AGFG1: variants seen among roughly 807,000 people sequenced by gnomAD.
The protein encoded by AGFG1 is arf-GAP domain and FG repeat-containing protein 1.
AGFG1 carries 10 observed loss-of-function variants against 60.6 expected under a neutral mutation model. The observed-to-expected ratio is 0.16, with a 90% confidence interval of 0.10 to 0.28. The LOEUF (loss-of-function observed/expected upper bound fraction) is 0.28. Ranked by LOEUF, AGFG1 falls within the 10% of genes least tolerant of loss-of-function variation. AGFG1 has a pLI of 1.00. For synonymous variants in AGFG1, 247 were observed against 242.9 expected, an observed-to-expected ratio of 1.02 and a Z score of -0.16; for missense variants, 537 against 676.5, an observed-to-expected ratio of 0.79 and a Z score of 2.29.
chr2:227,493,293 T>A (rs1406858471), intron 2 of AGFG1, among the ~76,000 whole-genome samples: 2 of 152,228 alleles, frequency 1.3e-5, no homozygotes, highest in Admixed American at 1.3e-4. Context: ...ACTGAAACTT[T>A]ATACCAGTTG....
intron 11 of AGFG1, 138 bp from the exon 12 acceptor site, chr2:227,553,566 G>T: frequency 1.7e-6 from 1 of 602,946 alleles, no homozygotes; most frequent in Non-Finnish European, 2.9e-6. Context: ...GAAAGAGCTT[G>T]AGGCCTAACA....
chr2:227,476,236 T>A (rs1690277420), intron 1 of AGFG1, among the ~76,000 whole-genome samples: 1 of 152,222 alleles, frequency 6.6e-6, no homozygotes, highest in Non-Finnish European at 1.5e-5. Context: ...TCACTATCTT[T>A]CACTGTCTTT....
At chr2:227,485,150 A>C (rs918815122) in intron 1 of AGFG1, among the ~76,000 whole-genome samples, 2 of 151,860 alleles carry the variant, frequency 1.3e-5, no homozygotes, top group Non-Finnish European at 2.9e-5. Context: ...CCTTCCATTG[A>C]GAAGTCTACT....
intron 2 of AGFG1, among the ~76,000 whole-genome samples, chr2:227,510,158 G>A (rs942571354): frequency 6.6e-6 from 1 of 152,056 alleles, no homozygotes; most frequent in Non-Finnish European, 1.5e-5. Flanking sequence ...GTTGAGGGGG[G>A]TAGGGAGGGG....
chr2:227,510,293 T>C (rs1454758219), intron 2 of AGFG1, among the ~76,000 whole-genome samples: 1 of 152,040 alleles, frequency 6.6e-6, no homozygotes, highest in African/African-American at 2.4e-5. Flanking sequence ...CACCCCTGAT[T>C]GTACCAGGAA....
At chr2:227,527,019 T>C (rs981351838) in intron 5 of AGFG1, among the ~76,000 whole-genome samples, 1 of 152,176 alleles carries the variant, frequency 6.6e-6, no homozygotes, top group Non-Finnish European at 1.5e-5. Flanking sequence ...GTACTTAGGT[T>C]AGGTAATATT....
chr2:227,481,896 C>G lies in AGFG1; in HGVS notation c.167+9308C>G, dbSNP rs1690477327. The stretch of plus-strand genomic sequence containing the variant: ...TTTTTTTTTTTTTTTGAGACAGAGT[C>G]TCGCTGTTGCCCAGGTTGGAGTGCA... On this transcript the variant is annotated intron_variant, in intron 1 of 12. Transcript: ENST00000310078. Among the ~76,000 whole-genome samples, 5 of 128,190 alleles carry G rather than the reference C, an allele frequency of 3.9e-5. No homozygotes were observed. The South Asian group carries it at 1.2e-3, about 31-fold the overall frequency. 84.1% of individuals were successfully genotyped at this position (128,190 alleles called of 152,430 possible).
intron 2 of AGFG1, among the ~76,000 whole-genome samples, chr2:227,505,430 CCTT>C (rs1434894430): frequency 1.3e-5 from 2 of 152,144 alleles, no homozygotes; most frequent in Admixed American, 1.3e-4. Flanking sequence ...TCTCAGCTCT[CCTT>C]CTGAGATTCC....
intron 1 of AGFG1, among the ~76,000 whole-genome samples, chr2:227,480,388 A>G (rs1246356881): frequency 1.3e-5 from 2 of 151,490 alleles, no homozygotes; most frequent in South Asian, 2.1e-4. Context: ...TTGTCTTTCC[A>G]TATTTCTTAT....
chr2:227,517,347 C>A (rs565061433), intron 2 of AGFG1, among the ~76,000 whole-genome samples: 16 of 152,286 alleles, frequency 1.1e-4, no homozygotes, highest in African/African-American at 3.8e-4. Context: ...CTCACTGCAA[C>A]CTCTGACTCC....
intron 10 of AGFG1, among the ~76,000 whole-genome samples, chr2:227,545,300 C>T (rs1181953145): frequency 6.6e-6 from 1 of 152,206 alleles, no homozygotes; most frequent in Non-Finnish European, 1.5e-5. Context: ...CCATGGTTTT[C>T]AGCTCCATCA....
chr2:227,499,024 GTAACAAACTT>G (rs72056283), intron 2 of AGFG1, among the ~76,000 whole-genome samples: 10,949 of 152,130 alleles, frequency 0.072, 520 homozygotes, highest in Admixed American at 0.11. Flanking sequence ...AGTAGATAAT[GTAACAAACTT>G]CCATCAACAC....
intron 10 of AGFG1, among the ~76,000 whole-genome samples, chr2:227,547,343 C>T (rs1313210201): frequency 6.6e-6 from 1 of 151,860 alleles, no homozygotes; most frequent in Non-Finnish European, 1.5e-5. Flanking sequence ...TCCTTGTGCT[C>T]TTTCCCTCTC....
At position 227,519,285 on chromosome 2, in the gene AGFG1, G is replaced by A. The variant is rs879516770; in HGVS notation, c.262-663G>A. ...ATTTTACAAATACTTTTGATCAGTT[G>A]GTGTCTTGATTTTTGTACTTTTTAA... On this transcript the variant is annotated intron_variant, in intron 2 of 12. Transcript: ENST00000310078. 2.0e-5 allele frequency among the ~76,000 whole-genome samples: 3 copies of A among 152,118 alleles called. No individual in the cohort carries two copies. The East Asian group carries it at 5.8e-4, about 29-fold the overall frequency.
At chr2:227,541,073 C>G (rs1406531037) in intron 10 of AGFG1, among the ~76,000 whole-genome samples, 1 of 151,842 alleles carries the variant, frequency 6.6e-6, no homozygotes, top group Non-Finnish European at 1.5e-5. Flanking sequence ...AATTTAAGTT[C>G]TTTGTAGATT....
intron 1 of AGFG1, among the ~76,000 whole-genome samples, chr2:227,484,688 G>GTTTTTTT (rs745570416): frequency 1.3e-3 from 32 of 25,092 alleles, no homozygotes; most frequent in East Asian, 3.1e-3. Context: ...TTTTTTTTTT[G>GTTTTTTT]TTTTTTTTTT....
chr2:227,524,191 ATGTG>A (rs933052314), intron 4 of AGFG1, among the ~76,000 whole-genome samples: 2 of 151,882 alleles, frequency 1.3e-5, no homozygotes, highest in African/African-American at 4.8e-5. Flanking sequence ...AGCTATATAT[ATGTG>A]TGTGTGTGTA....
intron 1 of AGFG1, among the ~76,000 whole-genome samples, chr2:227,480,185 A>G (rs545894198): frequency 6.6e-6 from 1 of 152,310 alleles, no homozygotes; most frequent in South Asian, 2.1e-4. Flanking sequence ...AAAGAAGAAA[A>G]GATTAGACAG....
At chr2:227,493,278 G>A (rs1478364165) in intron 2 of AGFG1, among the ~76,000 whole-genome samples, 1 of 152,114 alleles carries the variant, frequency 6.6e-6, no homozygotes, top group Non-Finnish European at 1.5e-5. Flanking sequence ...TAATCATCTT[G>A]TATAACTGAA....
Sources: gnomAD v4.1 joint callset for allele counts (sites outside exome capture counted in the v4.1 genomes callset) on GRCh38, gnomAD v4.1.1 for gene constraint, MANE v1.5 for transcripts, NCBI Gene and HGNC (gene_info 2026-07-23, HGNC 2026-07-21) for gene names.